Variants in PDZRN3 observed in about 807,000 individuals in gnomAD.
PDZRN3 encodes the protein PDZ domain containing ring finger 3.
PDZRN3 carries 38 observed loss-of-function variants against 85.7 expected under a neutral mutation model. The ratio of observed to expected loss-of-function variants is 0.44; its 90% confidence interval spans 0.34 to 0.58. The LOEUF is 0.58. Among genes scored for constraint, PDZRN3 ranks in the 20% least tolerant of loss-of-function variants. The pLI, the probability that PDZRN3 is intolerant of heterozygous loss-of-function variation, is 0.01. For missense variants in PDZRN3, 1,629 were observed against 1,506.4 expected, an observed-to-expected ratio of 1.08 and a Z score of -1.35; for synonymous variants, 759 against 638.0, an observed-to-expected ratio of 1.19 and a Z score of -2.86.
At position 73,555,339 on chromosome 3, in the gene PDZRN3, G is replaced by C. The variant is rs181329069; in HGVS notation, c.918+47015C>G. The stretch of plus-strand genomic sequence containing the variant: ...CGGAAGAAACACCTTTGTTCTCAAA[G>C]TAAAACAACAAATAAAACAGCTGCA... On this transcript the variant is annotated intron_variant, in intron 3 of 9. Coordinates refer to ENST00000263666, the MANE Select transcript of PDZRN3 (RefSeq NM_015009.3). 1.1e-3 allele frequency among the ~76,000 whole-genome samples: 160 copies of C among 152,188 alleles called. 1 individual carries two copies. Among genetic ancestry groups the C allele is most frequent in the Non-Finnish European group, 1.8e-3 (125 of 68,010 alleles).
chr3:73,534,126 ATAAT>A (rs1704724046), intron 3 of PDZRN3, among the ~76,000 whole-genome samples: 1 of 152,160 alleles, frequency 6.6e-6, no homozygotes, highest in Non-Finnish European at 1.5e-5. Context: ...GTTTTTTTGA[ATAAT>A]TAATTTACAA....
In PDZRN3 at chr3:73,474,634, T is replaced by C. The variant is rs1032525688; in HGVS notation, c.919-70239A>G. ...TGTTGAGAGTACTGAGCAAATGCTA[T>C]GGTTGTGGCAAGGGTGTACACTTTT... On this transcript the variant is annotated intron_variant, in intron 3 of 9. Transcript: ENST00000263666. The C allele has an allele frequency of 3.3e-6, 4 of 1,218,230 alleles. No individual in the cohort carries two copies. The African/African-American group carries it at 4.7e-5, about 14-fold the overall frequency. 75.5% of individuals were successfully genotyped at this position (1,218,230 alleles called of 1,614,324 possible).
At chr3:73,441,412 A>C (rs796773687) in intron 3 of PDZRN3, among the ~76,000 whole-genome samples, 3 of 7,074 alleles carry the variant, frequency 4.2e-4, no homozygotes, top group Admixed American at 1.9e-3. Flanking sequence ...ACTCTGTCCC[A>C]AAAAAAAAAA....
chr3:73,465,025 C>T (rs997048133), intron 3 of PDZRN3, among the ~76,000 whole-genome samples: 2 of 152,196 alleles, frequency 1.3e-5, no homozygotes, highest in African/African-American at 2.4e-5. Context: ...ATCTGCTCTG[C>T]TAAATTTCTG....
At chr3:73,587,583 A>G (rs1366163814) in intron 3 of PDZRN3, among the ~76,000 whole-genome samples, 3 of 152,212 alleles carry the variant, frequency 2.0e-5, no homozygotes, top group Admixed American at 1.3e-4. Flanking sequence ...GGTCAGTAAC[A>G]TTAATATTTA....
At chr3:73,574,811 C>T (rs537260323) in intron 3 of PDZRN3, among the ~76,000 whole-genome samples, 36 of 152,296 alleles carry the variant, frequency 2.4e-4, no homozygotes, top group Non-Finnish European at 4.0e-4. Context: ...GTGCTTTTTA[C>T]AACAAATTCA....
intron 3 of PDZRN3, among the ~76,000 whole-genome samples, chr3:73,421,473 C>G (rs912453290): frequency 6.6e-6 from 1 of 152,118 alleles, no homozygotes; most frequent in Middle Eastern, 3.2e-3. Flanking sequence ...GCATATGACC[C>G]GGAGAACATA....
intron 3 of PDZRN3, among the ~76,000 whole-genome samples, chr3:73,534,071 T>C (rs1223078822): frequency 2.6e-5 from 4 of 152,240 alleles, no homozygotes; most frequent in Non-Finnish European, 5.9e-5. Flanking sequence ...GGACTGGACC[T>C]TTGATTCTTC....
chr3:73,409,462 A>G (rs1701921954), intron 3 of PDZRN3, among the ~76,000 whole-genome samples: 1 of 152,232 alleles, frequency 6.6e-6, no homozygotes, highest in Admixed American at 6.5e-5. Context: ...TCACTCATTC[A>G]GCAAGAATTT....
intron 3 of PDZRN3, among the ~76,000 whole-genome samples, chr3:73,466,563 A>G (rs1703218959): frequency 6.6e-6 from 1 of 152,104 alleles, no homozygotes; most frequent in South Asian, 2.1e-4. Flanking sequence ...TAGTGAGTCT[A>G]TTCAGTTTAG....
chr3:73,392,201 C>A (rs1163142015), intron 5 of PDZRN3, among the ~76,000 whole-genome samples: 1 of 152,246 alleles, frequency 6.6e-6, no homozygotes, highest in Non-Finnish European at 1.5e-5. Flanking sequence ...AGCCCTAGGC[C>A]AGCATGGCCA....
chr3:73,620,743 A>AT (rs1322113335), intron 1 of PDZRN3, among the ~76,000 whole-genome samples: 1 of 151,784 alleles, frequency 6.6e-6, no homozygotes, highest in East Asian at 1.9e-4. Context: ...CGCCCAGCTA[A>AT]TTTTTTGTAT....
intron 2 of PDZRN3, among the ~76,000 whole-genome samples, chr3:73,604,508 T>C (rs1045861537): frequency 1.3e-5 from 2 of 152,222 alleles, no homozygotes; most frequent in East Asian, 1.9e-4. Context: ...GCACATTACA[T>C]GCTCTGTGTG....
intron 3 of PDZRN3, among the ~76,000 whole-genome samples, chr3:73,424,367 CAAAA>C (rs66466551): frequency 1.6e-4 from 9 of 54,872 alleles, no homozygotes; most frequent in Admixed American, 2.8e-4. Flanking sequence ...CCGTCTCTAC[CAAAA>C]AAAAAAAAAA....
At chr3:73,455,216 G>A (rs1390288471) in intron 3 of PDZRN3, among the ~76,000 whole-genome samples, 2 of 152,136 alleles carry the variant, frequency 1.3e-5, no homozygotes, top group African/African-American at 4.8e-5. Context: ...AGTACCATTT[G>A]TTATTTCATT....
chr3:73,404,969 C>T (rs969697505), intron 3 of PDZRN3, among the ~76,000 whole-genome samples: 1 of 152,140 alleles, frequency 6.6e-6, no homozygotes, highest in East Asian at 1.9e-4. Flanking sequence ...GGGAAGTGAC[C>T]GCTGGCTTAA....
At chr3:73,547,550 G>T (rs1438785216) in intron 3 of PDZRN3, among the ~76,000 whole-genome samples, 2 of 152,212 alleles carry the variant, frequency 1.3e-5, no homozygotes, top group Non-Finnish European at 2.9e-5. Context: ...CGAGGTTCTG[G>T]TCCAGGTGTG....
At chr3:73,599,580 G>C (rs1021568772) in intron 3 of PDZRN3, among the ~76,000 whole-genome samples, 1 of 152,210 alleles carries the variant, frequency 6.6e-6, no homozygotes, top group Admixed American at 6.5e-5. Flanking sequence ...GGTAAATTCT[G>C]TTATGTATAT....
intron 3 of PDZRN3, among the ~76,000 whole-genome samples, chr3:73,459,924 G>C (rs1406857757): frequency 2.0e-5 from 3 of 152,166 alleles, no homozygotes; most frequent in Non-Finnish European, 4.4e-5. Context: ...TCTGCCTGTG[G>C]AAGTCCATGC....
Sources: allele counts gnomAD v4.1 joint callset (sites outside exome capture counted in the v4.1 genomes callset), GRCh38; gene constraint gnomAD v4.1.1; transcripts MANE v1.5; gene names NCBI Gene and HGNC (gene_info 2026-07-23, HGNC 2026-07-21).